Variants in DLGAP1 observed in about 807,000 individuals in gnomAD.
The protein encoded by DLGAP1 is DLG associated protein 1.
In DLGAP1, 11 loss-of-function variants were observed where a neutral mutation model predicts 90.8. The observed-to-expected ratio is 0.12, with a 90% CI of 0.08 to 0.20. The LOEUF is 0.20. DLGAP1 is among the 10% of genes least tolerant of loss of function. DLGAP1 has a pLI of 1.00. For synonymous variants in DLGAP1, 558 were observed against 540.7 expected (o/e 1.03, Z -0.44); for missense variants, 1,050 against 1,333.8 (o/e 0.79, Z 3.31).
intron 1 of DLGAP1, among the ~76,000 whole-genome samples, chr18:4,387,923 T>TCACACACACACA (rs869144582): frequency 8.0e-4 from 27 of 33,666 alleles, no homozygotes; most frequent in African/African-American, 1.5e-3. Context: ...AGAGACTCCA[T>TCACACACACACA]CACACATACA....
intron 1 of DLGAP1, among the ~76,000 whole-genome samples, chr18:4,230,919 A>G (rs2078286206): frequency 6.6e-6 from 1 of 151,894 alleles, no homozygotes; most frequent in South Asian, 2.1e-4. Flanking sequence ...TCCAAAATTA[A>G]AAATAAATAA....
intron 7 of DLGAP1, among the ~76,000 whole-genome samples, chr18:3,599,066 G>A (rs1011200477): frequency 4.6e-5 from 7 of 152,156 alleles, no homozygotes; most frequent in East Asian, 1.9e-4. Flanking sequence ...GAGCCACTGC[G>A]CCCAGCAAAG....
intron 2 of DLGAP1, among the ~76,000 whole-genome samples, chr18:4,070,184 T>C (rs142252109): frequency 0.03 from 4,502 of 152,228 alleles, 98 homozygotes; most frequent in Non-Finnish European, 0.044. Flanking sequence ...GGTTTCATCA[T>C]GTTGGCTACG....
chr18:3,881,159 C>G (rs1367370235), intron 3 of DLGAP1, among the ~76,000 whole-genome samples: 1 of 148,708 alleles, frequency 6.7e-6, no homozygotes, highest in Non-Finnish European at 1.5e-5. Context: ...AGTTTTTGCT[C>G]TGTTGCCCAG....
intron 4 of DLGAP1, among the ~76,000 whole-genome samples, chr18:3,827,570 G>A (rs572776991): frequency 6.6e-6 from 1 of 152,318 alleles, no homozygotes; most frequent in East Asian, 1.9e-4. Flanking sequence ...AACTTCTTGA[G>A]AGCAAGGCTT....
intron 2 of DLGAP1, among the ~76,000 whole-genome samples, chr18:4,041,075 G>C (rs1889931794): frequency 6.6e-6 from 1 of 152,176 alleles, no homozygotes; most frequent in South Asian, 2.1e-4. Context: ...CTAGAACAGA[G>C]AGCAAACGCA....
At chr18:3,811,035 G>C (rs2066807775) in intron 5 of DLGAP1, among the ~76,000 whole-genome samples, 1 of 151,984 alleles carries the variant, frequency 6.6e-6, no homozygotes, top group African/African-American at 2.4e-5. Flanking sequence ...CGAACTCCTG[G>C]GCCCAAGCAA....
rs755508079 is a variant in DLGAP1, at chr18:4,008,214, AAT to A, written c.-158-3015_-158-3014del. 9.4e-3 allele frequency among the ~76,000 whole-genome samples: 1,366 copies of A among 145,312 alleles called. 23 individuals are homozygous for A. The highest frequency in any genetic ancestry group is 0.031 in the African/African-American group (1,222 of 40,056). ...ACCAAACCCTATATGTAAATAAATA[AAT>A]ATATATATATACACACACACACACA... On this transcript the variant is annotated intron_variant, in intron 2 of 12. Transcript: ENST00000315677.
intron 8 of DLGAP1, among the ~76,000 whole-genome samples, chr18:3,573,669 T>A (rs1405286755): frequency 6.6e-6 from 1 of 152,072 alleles, no homozygotes. Flanking sequence ...CTTTATTCTA[T>A]GGTTATAAGA....
chr18:4,114,703 T>A (rs1330486013), intron 2 of DLGAP1, among the ~76,000 whole-genome samples: 2 of 152,140 alleles, frequency 1.3e-5, no homozygotes, highest in African/African-American at 4.8e-5. Flanking sequence ...ATGAAATATT[T>A]CCCATTATCT....
Position 3,879,947 on chromosome 18 carries a change from G to C in DLGAP1, c.122C>G (p.Pro41Arg), listed in dbSNP as rs772858593. Reference protein sequence around the residue: ...PYLLSPVEHHPADHPYYTQRN... With the variant: ...PYLLSPVEHHRADHPYYTQRN... The stretch of plus-strand genomic sequence containing the variant: ...CTGGGTGTAGTATGGGTGGTCTGCG[G>C]GGTGGTGCTCCACTGGGCTCAGCAG... The change falls in exon 4 of 13, where the codon CCC (proline) becomes CGC (arginine). Residue 41 changes from proline to arginine, a missense_variant. Transcript: ENST00000315677. The surrounding 1 kb of genome is among the most constrained non-coding windows in gnomAD (Gnocchi z 6.6). 3 of 1,612,806 alleles carry C rather than the reference G, an allele frequency of 1.9e-6. No individual in the cohort carries two copies. Among genetic ancestry groups the C allele is most frequent in the Non-Finnish European group, 2.5e-6 (3 of 1,179,978 alleles).
chr18:4,108,974 G>C (rs893168554), intron 2 of DLGAP1, among the ~76,000 whole-genome samples: 2 of 152,154 alleles, frequency 1.3e-5, no homozygotes, highest in Non-Finnish European at 2.9e-5. Flanking sequence ...AGTACAACAG[G>C]TATAAGTTCT....
Position 4,241,818 on chromosome 18 carries a change from T to C in DLGAP1, c.-266-90531A>G, listed in dbSNP as rs1402472050. Among the ~76,000 whole-genome samples, 4 of 152,372 alleles carry C rather than the reference T, an allele frequency of 2.6e-5. No individual in the cohort carries two copies. In the East Asian group the frequency reaches 5.8e-4, roughly 22 times the overall value. ...ACTTAGGCAATACTTCCATTGACTA[T>C]TGACAGGCCAATGATACTGTTCTAA... On this transcript the variant is annotated intron_variant, in intron 1 of 12. Transcript: ENST00000315677.
intron 1 of DLGAP1, among the ~76,000 whole-genome samples, chr18:4,175,431 A>G (rs1008362767): frequency 6.6e-6 from 1 of 152,136 alleles, no homozygotes; most frequent in Non-Finnish European, 1.5e-5. Flanking sequence ...ATTAGATCCC[A>G]TTTGTCAATT....
intron 1 of DLGAP1, among the ~76,000 whole-genome samples, chr18:4,215,153 G>C (rs2077926500): frequency 6.6e-6 from 1 of 151,934 alleles, no homozygotes; most frequent in Admixed American, 6.6e-5. Flanking sequence ...ATATACCATA[G>C]AGCCAAGAAA....
chr18:3,755,453 CAAAAAACAAAAAACAACA>C lies in DLGAP1; in HGVS notation c.1173-12959_1173-12942del, dbSNP rs550518907. 4.7e-3 allele frequency among the ~76,000 whole-genome samples: 716 copies of C among 150,788 alleles called. 5 individuals carry two copies. The highest frequency in any genetic ancestry group is 7.6e-3 in the Non-Finnish European group (513 of 67,668). On this transcript the variant is annotated intron_variant, in intron 5 of 12. Coordinates refer to ENST00000315677, the MANE Select transcript of DLGAP1 (RefSeq NM_004746.4). ...AAAAGGCTTGCAAAAATATAGCATG[CAAAAAACAAAAAACAACA>C]AAAAAACAAAAAACAAAAACAAAAC... is the stretch of plus-strand genomic sequence containing the variant.
intron 4 of DLGAP1, among the ~76,000 whole-genome samples, chr18:3,864,499 T>C (rs543621392): frequency 6.6e-6 from 1 of 152,288 alleles, no homozygotes; most frequent in Admixed American, 6.5e-5. Flanking sequence ...ATTAACTTCA[T>C]CTGGGCTTAA....
At chr18:4,103,034 G>C (rs1050799316) in intron 2 of DLGAP1, among the ~76,000 whole-genome samples, 1 of 152,180 alleles carries the variant, frequency 6.6e-6, no homozygotes, top group South Asian at 2.1e-4. Flanking sequence ...TGCAGGGCCT[G>C]CAAGTGTGTA....
intron 1 of DLGAP1, among the ~76,000 whole-genome samples, chr18:4,412,390 C>A (rs2082798504): frequency 6.6e-6 from 1 of 152,124 alleles, no homozygotes; most frequent in African/African-American, 2.4e-5. Flanking sequence ...ATAGCAAGTG[C>A]CCTCATCAAG....
Sources: gnomAD v4.1 joint callset for allele counts (sites outside exome capture counted in the v4.1 genomes callset) on GRCh38, gnomAD v4.1.1 for gene constraint, Gnocchi (gnomAD v3.1) non-coding constraint, MANE v1.5 for transcripts, NCBI Gene and HGNC (gene_info 2026-07-23, HGNC 2026-07-21) for gene names.